PDE4C: variants seen among roughly 807,000 people sequenced by gnomAD.
PDE4C encodes the protein phosphodiesterase 4C.
In PDE4C, 50 loss-of-function variants were observed where a neutral mutation model predicts 63.9. The observed-to-expected ratio is 0.78, with a 90% CI of 0.62 to 0.99. The LOEUF is 0.99. PDE4C is among the 50% of genes least tolerant of loss of function. The pLI, the probability that PDE4C is intolerant of heterozygous loss-of-function variation, is 0.00. For synonymous variants in PDE4C, 377 were observed against 385.1 expected (o/e 0.98, Z 0.25); for missense variants, 777 against 899.1 (o/e 0.86, Z 1.74).
chr19:18,221,077 C>T, intron 4 of PDE4C, 28 bp downstream of exon 4: 1 of 1,422,652 alleles, frequency 7.0e-7, no homozygotes, highest in South Asian at 1.2e-5. Flanking sequence ...GCCGGCCCCG[C>T]CCCCGCCCCG....
chr19:18,232,376 TGTGTGTGTGTG>T (rs754735370), intron 1 of PDE4C, among the ~76,000 whole-genome samples: 65,507 of 149,290 alleles, frequency 0.44, 15,120 homozygotes, highest in East Asian at 0.77. Flanking sequence ...AATAAAAACG[TGTGTGTGTGTG>T]TGTGTGTGTG....
upstream of PDE4C, among the ~76,000 whole-genome samples, chr19:18,227,722 C>T (rs1968771850): frequency 6.6e-6 from 1 of 152,196 alleles, no homozygotes; most frequent in African/African-American, 2.4e-5. Flanking sequence ...CCTGACCGTG[C>T]CCCTTGCTGT....
chr19:18,239,840 A>G (rs991079206), intron 1 of PDE4C, among the ~76,000 whole-genome samples: 6 of 152,088 alleles, frequency 3.9e-5, no homozygotes, highest in Non-Finnish European at 2.9e-5. Flanking sequence ...AGCCTGACCA[A>G]CATGGCAAAA....
At chr19:18,218,091 G>T (rs1968280144) in intron 11 of PDE4C, 58 bp downstream of exon 11, 1 of 1,291,720 alleles carries the variant, frequency 7.7e-7, no homozygotes, top group Non-Finnish European at 1.1e-6. Context: ...TCACCTGGTG[G>T]ACAGGGTGGA....
At chr19:18,215,955 AAGT>A (rs1968177517) in intron 12 of PDE4C, among the ~76,000 whole-genome samples, 1 of 149,506 alleles carries the variant, frequency 6.7e-6, no homozygotes, top group African/African-American at 2.5e-5. Context: ...TCAGCCTCCC[AAGT>A]ATCTGGGATC....
At chr19:18,222,027 C>T (rs1241655523) in intron 2 of PDE4C, 105 bp downstream of exon 2, 4 of 1,022,486 alleles carry the variant, frequency 3.9e-6, no homozygotes, top group South Asian at 1.7e-5. Flanking sequence ...CCTACTTAAA[C>T]TTCAAAACCT....
exon 8 of PDE4C, chr19:18,219,388 G>C: frequency 6.2e-7 from 1 of 1,602,406 alleles, no homozygotes; most frequent in African/African-American, 1.3e-5. Flanking sequence ...CTCCACCTCG[G>C]TCTGCTGGTC....
upstream of PDE4C, among the ~76,000 whole-genome samples, chr19:18,251,249 C>G (rs1340522970): frequency 6.6e-6 from 1 of 151,664 alleles, no homozygotes; most frequent in Non-Finnish European, 1.5e-5. Context: ...CCTCAGCCTC[C>G]CAAGTAGCCC....
At chr19:18,248,670 G>A (rs1969180278), upstream of PDE4C, among the ~76,000 whole-genome samples, 1 of 152,088 alleles carries the variant, frequency 6.6e-6, no homozygotes, top group South Asian at 2.1e-4. Flanking sequence ...GGCCTAAGGA[G>A]CTTGGGGGCT....
exon 9 of PDE4C, chr19:18,218,972 G>A (rs1293197599): frequency 6.2e-7 from 1 of 1,613,626 alleles, no homozygotes; most frequent in South Asian, 1.1e-5. Flanking sequence ...GCTGTGAGGG[G>A]CCGGTTCCCA....
chr19:18,232,956 C>G (rs1395281151), exon 1 of PDE4C: 1 of 1,454,988 alleles, frequency 6.9e-7, no homozygotes, highest in East Asian at 2.6e-5. Flanking sequence ...CTACCGCCTG[C>G]AGGAGGAAAC....
At chr19:18,226,360 G>A in exon 1 of PDE4C, 1 of 1,512,288 alleles carries the variant, frequency 6.6e-7, no homozygotes, top group Non-Finnish European at 8.8e-7. Context: ...GCCGCGCGGG[G>A]ATCCCCGAGG....
upstream of PDE4C, among the ~76,000 whole-genome samples, chr19:18,250,669 C>A (rs1600109396): frequency 6.6e-6 from 1 of 151,812 alleles, no homozygotes; most frequent in Non-Finnish European, 1.5e-5. Flanking sequence ...TGCAGTAGTG[C>A]AATCACAGCT....
exon 11 of PDE4C, chr19:18,218,236 C>T: frequency 6.2e-7 from 1 of 1,614,228 alleles, no homozygotes; most frequent in Non-Finnish European, 8.5e-7. Flanking sequence ...ATTTCCAAGT[C>T]TGTGAACACA....
chr19:18,219,189 G>T (rs1254285342), intron 8 of PDE4C, 45 bp downstream of exon 8: 68 of 1,612,794 alleles, frequency 4.2e-5, no homozygotes, highest in Non-Finnish European at 5.7e-5. Flanking sequence ...TCCAGACAGA[G>T]CCAGGGACCA....
At chr19:18,255,287 C>T in the PDE4C span, 2 of 399,246 alleles carry the variant, frequency 5.0e-6, no homozygotes, top group African/African-American at 2.1e-5. The surrounding 1 kb of genome is among the most constrained non-coding windows in gnomAD (Gnocchi z 4.6). Context: ...GCAGAAGTGG[C>T]GGCAGCTGGG....
exon 2 of PDE4C, chr19:18,222,186 T>C: frequency 6.2e-7 from 1 of 1,614,112 alleles, no homozygotes; most frequent in Non-Finnish European, 8.5e-7. Context: ...GAGTTCATAG[T>C]CGCTATCTGA....
At chr19:18,238,747 C>G (rs963357771) in intron 1 of PDE4C, among the ~76,000 whole-genome samples, 3 of 151,658 alleles carry the variant, frequency 2.0e-5, no homozygotes, top group African/African-American at 7.3e-5. Flanking sequence ...AATCCCAATA[C>G]TTTGGGAGGC....
rs1307569696 is a variant in PDE4C, at chr19:18,211,165, G to A, written c.1807C>T (p.Gln603Ter). 6.2e-7 allele frequency: 1 copy of A among 1,614,008 alleles called. No homozygotes were observed. The highest frequency in any genetic ancestry group is 8.5e-7 in the Non-Finnish European group (1 of 1,180,020). ...GAGGGACTTCGGGGGATCTTGCTCT[G>A]GTACCACTCTCGATTGTCCTCCAGC... Residue 603 changes from glutamine (Q) to a stop codon, truncating the protein, a stop_gained, in exon 15 of 15, where the codon CAG (glutamine) becomes TAG (stop). Transcript: ENST00000262805. LOFTEE classifies it low-confidence loss of function (END_TRUNC).
Sources: gnomAD v4.1 joint callset for allele counts (sites outside exome capture counted in the v4.1 genomes callset) on GRCh38, gnomAD v4.1.1 for gene constraint, Gnocchi (gnomAD v3.1) non-coding constraint, MANE v1.5 for transcripts, NCBI Gene and HGNC (gene_info 2026-07-23, HGNC 2026-07-21) for gene names.